Variants in SCN2A observed in about 807,000 individuals in gnomAD.
SCN2A encodes sodium channel protein type 2 subunit alpha.
A neutral mutation model predicts 188.7 loss-of-function variants in SCN2A; 20 were observed. The ratio of observed to expected loss-of-function variants is 0.11; its 90% CI spans 0.07 to 0.15. SCN2A has a LOEUF of 0.15. Among genes scored for constraint, SCN2A ranks in the 10% least tolerant of loss-of-function variants. The pLI is 1.00. For synonymous variants in SCN2A, 804 were observed against 833.1 expected (o/e 0.97, Z 0.60); for missense variants, 1,278 against 2,445.0 (o/e 0.52, Z 10.07).
At chr2:165,383,218 T>A (rs1222951729) in intron 25 of SCN2A, among the ~76,000 whole-genome samples, 3 of 152,192 alleles carry the variant, frequency 2.0e-5, no homozygotes, top group African/African-American at 7.2e-5. Context: ...AAGGGATACT[T>A]TCAGCTGTGA....
chr2:165,299,781 G>A (rs1696704135), intron 3 of SCN2A, among the ~76,000 whole-genome samples: 1 of 152,196 alleles, frequency 6.6e-6, no homozygotes, highest in Non-Finnish European at 1.5e-5. Flanking sequence ...AATGCTTGGA[G>A]AGATGGTCAT....
chr2:165,313,795 A>G, intron 9 of SCN2A, 34 bp downstream of exon 9: 2 of 1,613,588 alleles, frequency 1.2e-6, no homozygotes, highest in Non-Finnish European at 1.7e-6. Flanking sequence ...TCTGAGAATC[A>G]TAAAACACCG....
intron 20 of SCN2A, chr2:165,370,676 C>T (rs576579781): frequency 4.3e-6 from 1 of 229,910 alleles, no homozygotes; most frequent in Admixed American, 5.0e-5. Flanking sequence ...TCACTAAAGC[C>T]TGTTGAGTTT....
chr2:165,301,032 A>G (rs561808169), intron 3 of SCN2A, among the ~76,000 whole-genome samples: 1 of 152,296 alleles, frequency 6.6e-6, no homozygotes, highest in South Asian at 2.1e-4. Context: ...AGAAGAGCTG[A>G]CAGGATTTGC....
chr2:165,308,540 C>G (rs764963671), intron 4 of SCN2A, 126 bp from the exon 5 acceptor site: 2 of 886,936 alleles, frequency 2.3e-6, no homozygotes, highest in South Asian at 1.4e-5. Context: ...CCCACCTAAA[C>G]TCTATATCGT....
rs374220243 is a variant in SCN2A, at chr2:165,365,273, A to C, written c.3520+10A>C. The C allele has an allele frequency of 1.2e-6, 2 of 1,613,474 alleles. No individual in the cohort carries two copies. The highest frequency in any genetic ancestry group is 2.7e-5 in the African/African-American group (2 of 74,894). ...GCCTGTTTTACAGAAGGTAAGCAAA[A>C]CAATAACATATGTGGTCTTGAGTAT... is the stretch of plus-strand genomic sequence containing the variant. On this transcript the variant is annotated intron_variant, in intron 18 of 26. Coordinates refer to ENST00000375437, the MANE Select transcript of SCN2A (RefSeq NM_001040142.2).
At chr2:165,335,037 A>C (rs1365589851) in intron 14 of SCN2A, among the ~76,000 whole-genome samples, 1 of 151,760 alleles carries the variant, frequency 6.6e-6, no homozygotes, top group Admixed American at 6.6e-5. Flanking sequence ...AATACTTAGG[A>C]ATAAATTTAA....
intron 12 of SCN2A, among the ~76,000 whole-genome samples, chr2:165,324,133 A>G (rs1245870693): frequency 2.0e-5 from 3 of 152,218 alleles, no homozygotes; most frequent in African/African-American, 7.2e-5. Flanking sequence ...TTGTAAACAA[A>G]GTGGCCCAAA....
intron 24 of SCN2A, 167 bp from the exon 25 acceptor site, chr2:165,380,926 A>G (rs1225807682): frequency 4.4e-6 from 3 of 677,388 alleles, no homozygotes; most frequent in Non-Finnish European, 7.6e-6. Flanking sequence ...GTCTAGAAAT[A>G]TGACTAATAT....
Position 165,364,027 on chromosome 2 carries a change from A to G in SCN2A, c.3400-1116A>G, listed in dbSNP as rs572910501. Among the ~76,000 whole-genome samples the G allele has an allele frequency of 8.5e-5, 13 of 152,316 alleles. No homozygotes were observed. The South Asian group carries it at 2.5e-3, about 29-fold the overall frequency. On this transcript the variant is annotated intron_variant, in intron 17 of 26. Coordinates refer to ENST00000375437, the MANE Select transcript of SCN2A (RefSeq NM_001040142.2). ...AACCATCTTTCTAGAGAAAATCCAC[A>G]TAATCCTATGCCCAAATATAAATAT...
chr2:165,296,342 AG>A, intron 2 of SCN2A: 1 of 518,956 alleles, frequency 1.9e-6, no homozygotes, highest in Non-Finnish European at 3.5e-6. Context: ...GAAGGACAAA[AG>A]CCTATTCACC....
intron 14 of SCN2A, among the ~76,000 whole-genome samples, chr2:165,333,638 G>A (rs777162865): frequency 7.9e-5 from 12 of 151,582 alleles, no homozygotes; most frequent in Non-Finnish European, 3.0e-5. Flanking sequence ...ATTAATGAGG[G>A]CAGCTAAAAC....
intron 1 of SCN2A, among the ~76,000 whole-genome samples, chr2:165,265,495 A>C (rs1396711744): frequency 2.4e-5 from 3 of 122,602 alleles, no homozygotes; most frequent in East Asian, 2.6e-4. Context: ...ATATATATAT[A>C]TATATATATA....
chr2:165,324,756 G>A (rs1698262835), intron 12 of SCN2A, among the ~76,000 whole-genome samples: 1 of 152,138 alleles, frequency 6.6e-6, no homozygotes, highest in South Asian at 2.1e-4. Flanking sequence ...TGTGCGTGGT[G>A]GAGCTAAGAT....
chr2:165,339,496 C>T (rs1699193055), intron 14 of SCN2A, among the ~76,000 whole-genome samples: 1 of 151,650 alleles, frequency 6.6e-6, no homozygotes, highest in Non-Finnish European at 1.5e-5. Flanking sequence ...ATATTGTAGA[C>T]AATCCTAATA....
chr2:165,245,229 G>A (rs1400904890), intron 1 of SCN2A: 4 of 152,150 alleles, frequency 2.6e-5, no homozygotes, highest in Non-Finnish European at 5.9e-5. Flanking sequence ...CACGTGTTGT[G>A]GGAGGGACCC....
chr2:165,356,433 T>C (rs544146986), intron 17 of SCN2A, among the ~76,000 whole-genome samples: 4 of 152,200 alleles, frequency 2.6e-5, no homozygotes, highest in Non-Finnish European at 2.9e-5. Flanking sequence ...TACAGTGTAC[T>C]GCTCTTATAG....
intron 1 of SCN2A, among the ~76,000 whole-genome samples, chr2:165,281,500 T>C (rs353114): frequency 0.96 from 145,910 of 151,778 alleles, 70,377 homozygotes; most frequent in East Asian, 1. Flanking sequence ...GAGTGCTTGG[T>C]GAGAAGTAGC....
At chr2:165,379,805 A>G (rs1701505066) in intron 23 of SCN2A, among the ~76,000 whole-genome samples, 1 of 151,756 alleles carries the variant, frequency 6.6e-6, no homozygotes, top group Non-Finnish European at 1.5e-5. Context: ...TGCATCTATT[A>G]TCATCATCAG....
Sources: gnomAD v4.1 joint callset for allele counts (sites outside exome capture counted in the v4.1 genomes callset) on GRCh38, gnomAD v4.1.1 for gene constraint, MANE v1.5 for transcripts, NCBI Gene and HGNC (gene_info 2026-07-23, HGNC 2026-07-21) for gene names.